UTRN: variants seen among roughly 807,000 people sequenced by gnomAD.
UTRN encodes the protein dystrophin-related protein 1.
UTRN carries 283 observed loss-of-function variants against 463.9 expected under a neutral mutation model. The observed-to-expected ratio is 0.61, with a 90% CI of 0.55 to 0.67. The LOEUF (loss-of-function observed/expected upper bound fraction) is 0.67. Among genes scored for constraint, UTRN ranks in the 30% least tolerant of loss-of-function variants. The probability of loss-of-function intolerance (pLI) is 0.00; values close to 1 mark genes in which losing one functional copy is unlikely to be tolerated. For missense variants in UTRN, 3,922 were observed against 4,084.3 expected, an observed-to-expected ratio of 0.96 and a Z score of 1.08; for synonymous variants, 1,442 against 1,431.5, an observed-to-expected ratio of 1.01 and a Z score of -0.17.
chr6:144,409,493 C>T (rs951912627), intron 3 of UTRN, among the ~76,000 whole-genome samples: 4 of 152,174 alleles, frequency 2.6e-5, no homozygotes, highest in African/African-American at 9.7e-5. Context: ...CTTCCTTGTG[C>T]TTTCCCATTC....
At position 144,577,215 on chromosome 6, in the gene UTRN, T is replaced by C. The variant is rs1395246666; in HGVS notation, c.7406T>C (p.Leu2469Pro). 15 of 1,613,994 alleles carry C rather than the reference T, an allele frequency of 9.3e-6. No individual in the cohort carries two copies. The highest frequency in any genetic ancestry group is 1.3e-5 in the African/African-American group (1 of 75,026). The change falls in exon 51 of 75, where the codon CTT becomes CCT. Residue 2469 changes from leucine to proline, a missense_variant. Coordinates refer to ENST00000367545, the MANE Select transcript of UTRN (RefSeq NM_007124.3). ...IQEAETTVNV[L>P]VDASHRENAL... ...GAAGCAGAGACCACAGTGAATGTGC[T>C]TGTGGATGCCTCTCATCGGGAGAAT...
At chr6:144,693,125 C>T (rs973528558) in intron 52 of UTRN, among the ~76,000 whole-genome samples, 2 of 152,040 alleles carry the variant, frequency 1.3e-5, no homozygotes, top group Non-Finnish European at 1.5e-5. Flanking sequence ...AGCCAGTTAC[C>T]CAGCAACGTT....
At chr6:144,348,517 C>T (rs1047778209) in intron 2 of UTRN, among the ~76,000 whole-genome samples, 5 of 152,210 alleles carry the variant, frequency 3.3e-5, no homozygotes, top group Admixed American at 3.3e-4. Flanking sequence ...GAATTTTTTG[C>T]AGATCTTAAT....
intron 2 of UTRN, among the ~76,000 whole-genome samples, chr6:144,393,008 C>T (rs1782074120): frequency 8.6e-6 from 1 of 116,156 alleles, no homozygotes; most frequent in African/African-American, 8.1e-5. Flanking sequence ...GCCATCCATC[C>T]ATCCATCCAT....
chr6:144,758,007 C>T lies in UTRN; in HGVS notation c.8495+18C>T, dbSNP rs1351373411. ...TACATCAAGTAAGTTGATTTTAATT[C>T]TCCTTTATGATACCAAGAAAATCAT... On this transcript the variant is annotated intron_variant, in intron 58 of 74. Coordinates refer to ENST00000367545, the MANE Select transcript of UTRN (RefSeq NM_007124.3). The T allele has an allele frequency of 4.4e-6, 7 of 1,594,938 alleles. No individual in the cohort carries two copies. Among genetic ancestry groups the T allele is most frequent in the Non-Finnish European group, 6.0e-6 (7 of 1,167,362 alleles).
intron 18 of UTRN, 35 bp from the exon 19 acceptor site, chr6:144,453,746 GT>G: frequency 6.4e-7 from 1 of 1,568,970 alleles, no homozygotes; most frequent in Non-Finnish European, 8.7e-7. Flanking sequence ...TGAGAAGAAA[GT>G]TTGCAATATT....
At chr6:144,589,115 A>G (rs1303874812) in intron 51 of UTRN, among the ~76,000 whole-genome samples, 1 of 152,250 alleles carries the variant, frequency 6.6e-6, no homozygotes, top group African/African-American at 2.4e-5. Flanking sequence ...ATGGCTTCAT[A>G]AAGTTAAGCA....
rs998846437 is a variant in UTRN at position 144,437,416 on chromosome 6, A to T, written c.1060-149A>T. The T allele has an allele frequency of 1.1e-5, 7 of 627,866 alleles. No homozygotes were observed. The East Asian group carries it at 2.2e-4, about 20-fold the overall frequency. 38.9% of individuals were successfully genotyped at this position (627,866 alleles called of 1,614,324 possible). ...TATTCCTATTTTCAGAGATTAAAAA[A>T]TGTGGTCAATGTCTATTTTATTTGC... is the stretch of plus-strand genomic sequence containing the variant. On this transcript the variant is annotated intron_variant, in intron 10 of 74. Transcript: ENST00000367545.
chr6:144,286,775 CGA>C lies in UTRN; in HGVS notation c.-93+960_-93+961del, dbSNP rs1227822002. Reference sequence around the variant, plus strand: ...GAGGGAGAAAACGTTGCCCGACCTCCGAGAGAGCTGTGGGACCAGCACTTTAT... The same window carrying C: ...GAGGGAGAAAACGTTGCCCGACCTCCGAGAGCTGTGGGACCAGCACTTTAT... On this transcript the variant is annotated intron_variant, in intron 1 of 74. Transcript: ENST00000367545. This position sits in a 1 kb window ranked among gnomAD's most constrained non-coding sequence, Gnocchi z 4.4. Among the ~76,000 whole-genome samples, 3 of 152,234 alleles carry C rather than the reference CGA, an allele frequency of 2.0e-5. No homozygotes were observed. Among genetic ancestry groups the C allele is most frequent in the Non-Finnish European group, 2.9e-5 (2 of 68,000 alleles).
intron 3 of UTRN, among the ~76,000 whole-genome samples, chr6:144,408,149 A>G (rs1440882991): frequency 1.3e-5 from 2 of 152,212 alleles, no homozygotes; most frequent in African/African-American, 4.8e-5. Flanking sequence ...AAACCCTATC[A>G]TATACCTCGA....
intron 50 of UTRN, among the ~76,000 whole-genome samples, chr6:144,573,214 T>G (rs1006925954): frequency 6.6e-6 from 1 of 152,124 alleles, no homozygotes; most frequent in Non-Finnish European, 1.5e-5. Context: ...GATTTGGTAG[T>G]TTGATTTTTT....
chr6:144,847,280 T>C (rs1424393251), intron 74 of UTRN, among the ~76,000 whole-genome samples: 3 of 152,200 alleles, frequency 2.0e-5, no homozygotes, highest in Non-Finnish European at 4.4e-5. Flanking sequence ...CCTTATGCCT[T>C]TTAGTATTTT....
intron 2 of UTRN, among the ~76,000 whole-genome samples, chr6:144,368,674 T>C (rs1437501789): frequency 6.6e-6 from 1 of 151,990 alleles, no homozygotes; most frequent in Non-Finnish European, 1.5e-5. Context: ...CTCAGGAGGC[T>C]GAGGCAGGAG....
intron 2 of UTRN, among the ~76,000 whole-genome samples, chr6:144,352,239 T>G (rs1778171294): frequency 1.3e-5 from 2 of 152,202 alleles, no homozygotes; most frequent in Admixed American, 1.3e-4. Context: ...ATTATCTAAC[T>G]CTGAGTAACG....
At chr6:144,526,564 T>C (rs1324638009) in intron 41 of UTRN, among the ~76,000 whole-genome samples, 1 of 152,156 alleles carries the variant, frequency 6.6e-6, no homozygotes, top group Non-Finnish European at 1.5e-5. Flanking sequence ...CTTAAGTTTA[T>C]GTGAGTTTTT....
intron 2 of UTRN, among the ~76,000 whole-genome samples, chr6:144,360,105 C>A (rs1306880356): frequency 8.6e-6 from 1 of 115,940 alleles, no homozygotes; most frequent in African/African-American, 3.7e-5. Context: ...CCCTCCCCTC[C>A]CCTCCCCCCT....
intron 53 of UTRN, among the ~76,000 whole-genome samples, chr6:144,700,880 C>A (rs547168317): frequency 7.9e-5 from 12 of 151,352 alleles, no homozygotes; most frequent in Admixed American, 5.9e-4. Flanking sequence ...ACTACAGGCA[C>A]CTGCAACCAC....
At chr6:144,817,033 A>G (rs1448215305) in intron 65 of UTRN, among the ~76,000 whole-genome samples, 2 of 152,168 alleles carry the variant, frequency 1.3e-5, no homozygotes, top group Non-Finnish European at 1.5e-5. Flanking sequence ...AACTTAAAAC[A>G]GTTCCATTTT....
chr6:144,408,322 C>T (rs1274196468), intron 3 of UTRN, among the ~76,000 whole-genome samples: 1 of 152,210 alleles, frequency 6.6e-6, no homozygotes, highest in Non-Finnish European at 1.5e-5. Context: ...CGGCCGGTCT[C>T]CCAAGGGAGG....
Sources: gnomAD v4.1 joint callset for allele counts (sites outside exome capture counted in the v4.1 genomes callset) on GRCh38, gnomAD v4.1.1 for gene constraint, Gnocchi (gnomAD v3.1) non-coding constraint, MANE v1.5 for transcripts, NCBI Gene and HGNC (gene_info 2026-07-23, HGNC 2026-07-21) for gene names.